The following DSCAML1 variants were observed in gnomAD, a reference collection of about 807,000 sequenced individuals.
DSCAML1 encodes the protein cell adhesion molecule DSCAML1.
A neutral mutation model predicts 200.5 loss-of-function variants in DSCAML1; 38 were observed. That is an observed-to-expected ratio of 0.19 (90% CI 0.15 to 0.25). The LOEUF is 0.25. Ranked by LOEUF, DSCAML1 falls within the 10% of genes least tolerant of loss-of-function variation. The pLI is 1.00. For missense variants in DSCAML1, 2,223 were observed against 2,858.8 expected, an observed-to-expected ratio of 0.78 and a Z score of 5.07; for synonymous variants, 1,215 against 1,165.0, an observed-to-expected ratio of 1.04 and a Z score of -0.87.
intron 3 of DSCAML1, among the ~76,000 whole-genome samples, chr11:117,591,833 C>A (rs909473978): frequency 2.0e-5 from 3 of 152,180 alleles, no homozygotes; most frequent in African/African-American, 7.2e-5. Flanking sequence ...TTGCTTGGGA[C>A]TCTCTGTCCC....
intron 3 of DSCAML1, among the ~76,000 whole-genome samples, chr11:117,560,026 A>C (rs11601480): frequency 0.076 from 11,513 of 151,846 alleles, 582 homozygotes; most frequent in East Asian, 0.11. Context: ...AAGTGAATTT[A>C]GACAGGCCCG....
intron 21 of DSCAML1, among the ~76,000 whole-genome samples, chr11:117,443,386 G>C (rs963995452): frequency 6.6e-6 from 1 of 152,252 alleles, no homozygotes; most frequent in African/African-American, 2.4e-5. Flanking sequence ...TTCTAGCCCA[G>C]AGCCTTCCTT....
chr11:117,552,937 G>A (rs562099294), intron 3 of DSCAML1, among the ~76,000 whole-genome samples: 3 of 152,290 alleles, frequency 2.0e-5, no homozygotes, highest in Non-Finnish European at 4.4e-5. Flanking sequence ...GGCTGGCCCG[G>A]GGAAGTGCGT....
intron 19 of DSCAML1, 106 bp from the exon 20 acceptor site, chr11:117,450,794 T>G: frequency 7.4e-7 from 1 of 1,355,684 alleles, no homozygotes; most frequent in African/African-American, 1.5e-5. Flanking sequence ...GAGAGCTTCT[T>G]GGAGGTGGCA....
At chr11:117,541,412 C>A (rs1194290901) in intron 3 of DSCAML1, among the ~76,000 whole-genome samples, 2 of 152,206 alleles carry the variant, frequency 1.3e-5, no homozygotes, top group Non-Finnish European at 2.9e-5. Flanking sequence ...GCTCAGTGAA[C>A]ATCTGATGTG....
rs1408286824 is a variant in DSCAML1, at chr11:117,463,611, T to C, written c.3265+1331A>G. Reference sequence around the variant, plus strand: ...CTAAGAGGAGACAAGCTGATCTTCCTCAATCCAGCCAGGCCCGAGGCCAGC... The same window carrying C: ...CTAAGAGGAGACAAGCTGATCTTCCCCAATCCAGCCAGGCCCGAGGCCAGC... On this transcript the variant is annotated intron_variant, in intron 17 of 32. Transcript: ENST00000651296. The surrounding 1 kb of genome is among the most constrained non-coding windows in gnomAD (Gnocchi z 4.0). Among the ~76,000 whole-genome samples the C allele has an allele frequency of 1.3e-5, 2 of 152,128 alleles. No homozygotes were observed.
chr11:117,721,901 A>G (rs2054048126), intron 3 of DSCAML1, among the ~76,000 whole-genome samples: 1 of 151,766 alleles, frequency 6.6e-6, no homozygotes, highest in Non-Finnish European at 1.5e-5. Context: ...CGTATATTAC[A>G]TATTTTTTAA....
chr11:117,523,752 G>A (rs1484183405), intron 5 of DSCAML1, among the ~76,000 whole-genome samples: 1 of 152,224 alleles, frequency 6.6e-6, no homozygotes, highest in Admixed American at 6.5e-5. Flanking sequence ...ATGAATGGGA[G>A]GTGGGAAGAG....
At chr11:117,726,193 T>C (rs2054126093) in intron 3 of DSCAML1, among the ~76,000 whole-genome samples, 1 of 152,174 alleles carries the variant, frequency 6.6e-6, no homozygotes, top group African/African-American at 2.4e-5. Flanking sequence ...TTTCCTCATC[T>C]AGAAAAAGGG....
chr11:117,468,674 C>G (rs1006205865), intron 16 of DSCAML1, among the ~76,000 whole-genome samples: 1 of 152,202 alleles, frequency 6.6e-6, no homozygotes, highest in African/African-American at 2.4e-5. Context: ...ACTAGGTGGG[C>G]TGCCCCCAGG....
intron 1 of DSCAML1, among the ~76,000 whole-genome samples, chr11:117,805,535 G>T (rs932220142): frequency 1.3e-5 from 2 of 152,148 alleles, no homozygotes; most frequent in African/African-American, 2.4e-5. Flanking sequence ...GTTTTTGTGG[G>T]AGTTGTTTTT....
intron 3 of DSCAML1, among the ~76,000 whole-genome samples, chr11:117,687,467 T>C (rs2053422929): frequency 1.4e-5 from 2 of 147,832 alleles, no homozygotes; most frequent in Non-Finnish European, 3.0e-5. Flanking sequence ...GGTCTCGCTA[T>C]TTTGCCCAGG....
intron 3 of DSCAML1, among the ~76,000 whole-genome samples, chr11:117,607,496 A>T (rs941237171): frequency 1.2e-4 from 18 of 152,230 alleles, no homozygotes; most frequent in African/African-American, 4.3e-4. Flanking sequence ...AGGGAAGAGA[A>T]TTCAACTCAG....
chr11:117,576,010 T>G (rs1268052486), intron 3 of DSCAML1, among the ~76,000 whole-genome samples: 1 of 152,104 alleles, frequency 6.6e-6, no homozygotes, highest in African/African-American at 2.4e-5. Context: ...CTGAATAGGA[T>G]GCCAGAGCCC....
chr11:117,630,566 G>A (rs2052149765), intron 3 of DSCAML1, among the ~76,000 whole-genome samples: 2 of 141,968 alleles, frequency 1.4e-5, no homozygotes, highest in Middle Eastern at 3.6e-3. Flanking sequence ...GGAGCTCTGT[G>A]GCCCCACAGC....
chr11:117,748,277 A>G (rs1221405428), intron 3 of DSCAML1, among the ~76,000 whole-genome samples: 2 of 152,180 alleles, frequency 1.3e-5, no homozygotes, highest in Non-Finnish European at 2.9e-5. Flanking sequence ...TCACTACCTC[A>G]TGAGGGAATC....
chr11:117,656,140 A>G (rs1287613677), intron 3 of DSCAML1, among the ~76,000 whole-genome samples: 2 of 152,224 alleles, frequency 1.3e-5, no homozygotes, highest in African/African-American at 4.8e-5. Context: ...CGGGAAGCTG[A>G]GGCAGGAGAA....
chr11:117,698,242 G>C (rs1338397165), intron 3 of DSCAML1, among the ~76,000 whole-genome samples: 1 of 152,170 alleles, frequency 6.6e-6, no homozygotes, highest in African/African-American at 2.4e-5. Context: ...ATTCTTTTGG[G>C]AATCTACCCA....
intron 3 of DSCAML1, among the ~76,000 whole-genome samples, chr11:117,587,244 T>G (rs139259173): frequency 8.9e-5 from 10 of 112,742 alleles, no homozygotes; most frequent in African/African-American, 3.5e-4. Flanking sequence ...GCTCATTCGA[T>G]TCTTTCCAAC....
Sources: gnomAD v4.1 joint callset for allele counts (sites outside exome capture counted in the v4.1 genomes callset) on GRCh38, gnomAD v4.1.1 for gene constraint, Gnocchi (gnomAD v3.1) non-coding constraint, MANE v1.5 for transcripts, NCBI Gene and HGNC (gene_info 2026-07-23, HGNC 2026-07-21) for gene names.